FGF12: variants seen among roughly 807,000 people sequenced by gnomAD.
FGF12 encodes the protein fibroblast growth factor 12.
Under a neutral mutation model 23.6 loss-of-function variants are expected in FGF12, and 14 were observed. The ratio of observed to expected loss-of-function variants is 0.59; its 90% CI spans 0.39 to 0.93. FGF12 has a LOEUF of 0.93. Among genes scored for constraint, FGF12 ranks in the 40% least tolerant of loss-of-function variants. The probability of loss-of-function intolerance (pLI) is 0.00; values close to 1 mark genes in which losing one functional copy is unlikely to be tolerated. For synonymous variants in FGF12, 62 were observed against 77.3 expected, an observed-to-expected ratio of 0.80 and a Z score of 1.04; for missense variants, 175 against 217.8, an observed-to-expected ratio of 0.80 and a Z score of 1.24.
intron 4 of FGF12, among the ~76,000 whole-genome samples, chr3:192,265,941 T>C (rs1290611900): frequency 1.3e-5 from 2 of 152,110 alleles, no homozygotes; most frequent in Non-Finnish European, 2.9e-5. Context: ...CAAGCTTCCG[T>C]TTCCTTCTAT....
chr3:192,512,835 A>T lies in FGF12; in HGVS notation c.14-152297T>A, dbSNP rs370575921. Among the ~76,000 whole-genome samples, 390 of 76,716 alleles carry T rather than the reference A, an allele frequency of 5.1e-3. 3 individuals are homozygous for T. The highest frequency in any genetic ancestry group is 6.4e-3 in the Non-Finnish European group (270 of 41,978). The allele number at this position is 76,716 out of a possible 152,430, so 50.3% of individuals were successfully genotyped here. On this transcript the variant is annotated intron_variant, in intron 2 of 5. Coordinates refer to ENST00000445105, the MANE Select transcript of FGF12 (RefSeq NM_004113.6). Reference sequence around the variant, plus strand: ...GTTAAACCTAGAGTATACTCAAATAAATATATATATATATATATATATATA... The same window carrying T: ...GTTAAACCTAGAGTATACTCAAATATATATATATATATATATATATATATA...
intron 2 of FGF12, among the ~76,000 whole-genome samples, chr3:192,675,112 G>C (rs576539457): frequency 6.6e-6 from 1 of 152,292 alleles, no homozygotes; most frequent in Admixed American, 6.5e-5. Context: ...CAGTCTTAGG[G>C]ATAGAGTAAG....
chr3:192,322,825 CTT>C (rs1439741918), intron 4 of FGF12, among the ~76,000 whole-genome samples: 2 of 152,116 alleles, frequency 1.3e-5, no homozygotes, highest in Non-Finnish European at 2.9e-5. Context: ...ACCTCTATCT[CTT>C]GTCATGGACA....
intron 4 of FGF12, among the ~76,000 whole-genome samples, chr3:192,313,440 C>A (rs1716062604): frequency 6.6e-6 from 1 of 152,168 alleles, no homozygotes; most frequent in Non-Finnish European, 1.5e-5. Context: ...GAAGAGAAAA[C>A]CTTTTCCCAT....
chr3:192,357,550 G>C (rs911838029), intron 3 of FGF12, among the ~76,000 whole-genome samples: 6 of 151,906 alleles, frequency 3.9e-5, no homozygotes, highest in South Asian at 4.2e-4. Context: ...CTCCAGCCTG[G>C]GCAACAGAGC....
chr3:192,376,491 TA>T, intron 2 of FGF12, among the ~76,000 whole-genome samples: 1 of 152,054 alleles, frequency 6.6e-6, no homozygotes, highest in South Asian at 2.1e-4. Flanking sequence ...GCCTCCCGAG[TA>T]GCTGGGATTA....
intron 2 of FGF12, among the ~76,000 whole-genome samples, chr3:192,590,475 G>A (rs1331321564): frequency 6.6e-6 from 1 of 151,824 alleles, no homozygotes; most frequent in Admixed American, 6.6e-5. Flanking sequence ...AACACTTGAA[G>A]GTTTTTCTTT....
intron 4 of FGF12, among the ~76,000 whole-genome samples, chr3:192,305,056 A>C (rs889619377): frequency 6.6e-6 from 1 of 152,170 alleles, no homozygotes. Flanking sequence ...AAGAGAGATT[A>C]ACAGAGAAGG....
At chr3:192,588,281 C>T (rs374079102) in intron 2 of FGF12, among the ~76,000 whole-genome samples, 25 of 134,906 alleles carry the variant, frequency 1.9e-4, no homozygotes, top group African/African-American at 6.9e-4. Context: ...ACCCGGGAGG[C>T]GGAGCTTGCA....
chr3:192,254,061 A>G (rs954340988), intron 4 of FGF12, among the ~76,000 whole-genome samples: 2 of 151,806 alleles, frequency 1.3e-5, no homozygotes, highest in African/African-American at 4.8e-5. Context: ...TCTCTCAGTG[A>G]TTTTCAAGAA....
chr3:192,601,907 A>G (rs980387410), intron 2 of FGF12, among the ~76,000 whole-genome samples: 1 of 149,686 alleles, frequency 6.7e-6, no homozygotes, highest in Non-Finnish European at 1.5e-5. Context: ...CAGTATAGAC[A>G]CAACTGTCCA....
intron 2 of FGF12, among the ~76,000 whole-genome samples, chr3:192,373,949 C>T (rs1719357656): frequency 6.6e-6 from 1 of 152,172 alleles, no homozygotes; most frequent in African/African-American, 2.4e-5. Context: ...AGGAATCTCT[C>T]AAACTTATGG....
At chr3:192,179,343 C>A (rs528973301) in intron 4 of FGF12, among the ~76,000 whole-genome samples, 22 of 152,234 alleles carry the variant, frequency 1.4e-4, no homozygotes, top group African/African-American at 5.1e-4. Flanking sequence ...TTCTTTGCAA[C>A]ATCTGACAAG....
At chr3:192,493,691 C>G (rs1250492901) in intron 2 of FGF12, among the ~76,000 whole-genome samples, 1 of 152,082 alleles carries the variant, frequency 6.6e-6, no homozygotes, top group Non-Finnish European at 1.5e-5. Context: ...GTAATTCACA[C>G]GGCCAGACCA....
intron 5 of FGF12, among the ~76,000 whole-genome samples, chr3:192,165,714 TATTCAA>T (rs1715127455): frequency 6.6e-6 from 1 of 152,248 alleles, no homozygotes; most frequent in Admixed American, 6.5e-5. Flanking sequence ...ACTAGTTTAC[TATTCAA>T]ATTGCATCAT....
chr3:192,223,790 C>T (rs1402169280), intron 4 of FGF12, among the ~76,000 whole-genome samples: 2 of 152,014 alleles, frequency 1.3e-5, no homozygotes, highest in African/African-American at 4.8e-5. Flanking sequence ...TAAATGGTAA[C>T]ATATTCTTTA....
At chr3:192,564,199 G>A (rs1347906743) in intron 2 of FGF12, among the ~76,000 whole-genome samples, 2 of 152,160 alleles carry the variant, frequency 1.3e-5, no homozygotes, top group East Asian at 3.9e-4. Context: ...GAGTAGCTGG[G>A]ATTACAGGCG....
intron 2 of FGF12, among the ~76,000 whole-genome samples, chr3:192,386,943 G>C (rs115987209): frequency 6.6e-6 from 1 of 152,146 alleles, no homozygotes; most frequent in Non-Finnish European, 1.5e-5. Context: ...TCAAACCTTC[G>C]ATAAGGTTGA....
chr3:192,312,714 T>C (rs1716016850), intron 4 of FGF12, among the ~76,000 whole-genome samples: 2 of 149,232 alleles, frequency 1.3e-5, no homozygotes, highest in African/African-American at 5.0e-5. Context: ...ACAACTGCAC[T>C]CCAGCCTGGG....
Sources: allele counts gnomAD v4.1 joint callset (sites outside exome capture counted in the v4.1 genomes callset), GRCh38; gene constraint gnomAD v4.1.1; transcripts MANE v1.5; gene names NCBI Gene and HGNC (gene_info 2026-07-23, HGNC 2026-07-21).